The following ZDHHC15 variants were observed in gnomAD, a reference collection of about 807,000 sequenced individuals.
The protein encoded by ZDHHC15 is palmitoyltransferase ZDHHC15.
In ZDHHC15, 19 loss-of-function variants were observed where a neutral mutation model predicts 31.7. That is an observed-to-expected ratio of 0.60 (90% CI 0.42 to 0.88). The LOEUF (loss-of-function observed/expected upper bound fraction) is 0.88, where lower values mean the gene tolerates loss of function less well. ZDHHC15 is among the 40% of genes least tolerant of loss of function. The pLI is 0.00. For missense variants in ZDHHC15, 209 were observed against 251.2 expected (o/e 0.83, Z 1.14); for synonymous variants, 103 against 90.0 (o/e 1.14, Z -0.82).
intron 3 of ZDHHC15, among the ~76,000 whole-genome samples, chrX:75,451,529 C>T (rs775154234): frequency 2.6e-4 from 29 of 111,679 alleles, no homozygotes; most frequent in Admixed American, 2.0e-3. Flanking sequence ...AAAAGATATG[C>T]CATTGATCTT....
At chrX:75,448,876 T>G (rs905905163) in intron 4 of ZDHHC15, among the ~76,000 whole-genome samples, 28 of 110,758 alleles carry the variant, frequency 2.5e-4, no homozygotes, top group African/African-American at 8.6e-4. Context: ...TGGGTGAGAT[T>G]AGCATTCGAA....
chrX:75,503,465 C>T (rs1257958256), intron 2 of ZDHHC15, among the ~76,000 whole-genome samples: 1 of 110,913 alleles, frequency 9.0e-6, no homozygotes, highest in African/African-American at 3.3e-5. Flanking sequence ...ATACTATTAA[C>T]TATTATTTTG....
intron 3 of ZDHHC15, among the ~76,000 whole-genome samples, chrX:75,458,514 T>G (rs943382506): frequency 1.8e-5 from 2 of 111,830 alleles, no homozygotes; most frequent in African/African-American, 6.5e-5. Flanking sequence ...TGAGATAATT[T>G]AAATATATCT....
At chrX:75,390,851 T>C (rs907020056) in intron 10 of ZDHHC15, among the ~76,000 whole-genome samples, 5 of 111,706 alleles carry the variant, frequency 4.5e-5, no homozygotes, top group African/African-American at 1.6e-4. Flanking sequence ...CAGGAAAAGA[T>C]GCCTTCACCA....
chrX:75,392,934 G>T (rs2367175), intron 10 of ZDHHC15, among the ~76,000 whole-genome samples: 20,997 of 102,103 alleles, frequency 0.21, 2,150 homozygotes, highest in East Asian at 0.85. Context: ...GCAGGTCATG[G>T]TTTTTTTTTT....
At chrX:75,427,986 G>A (rs990082050) in intron 7 of ZDHHC15, among the ~76,000 whole-genome samples, 2 of 111,316 alleles carry the variant, frequency 1.8e-5, no homozygotes, top group African/African-American at 6.5e-5. Flanking sequence ...GGCTATTTAG[G>A]TTCCTATTGC....
intron 10 of ZDHHC15, among the ~76,000 whole-genome samples, chrX:75,394,220 G>C (rs1427667565): frequency 9.1e-6 from 1 of 110,391 alleles, no homozygotes; most frequent in East Asian, 2.8e-4. Flanking sequence ...TAACAAGCAA[G>C]AAATTAAAAC....
At chrX:75,409,900 A>G (rs1395652068) in intron 10 of ZDHHC15, among the ~76,000 whole-genome samples, 3 of 110,246 alleles carry the variant, frequency 2.7e-5, no homozygotes, top group African/African-American at 6.6e-5. Context: ...ACATAGACCA[A>G]TGAAGACAAT....
chrX:75,454,961 C>G, intron 3 of ZDHHC15, among the ~76,000 whole-genome samples: 1 of 110,962 alleles, frequency 9.0e-6, no homozygotes, highest in Admixed American at 9.7e-5. Flanking sequence ...TTTATAGATT[C>G]AATGTCATCC....
chrX:75,458,124 ATAAC>A (rs2084253827), intron 3 of ZDHHC15, among the ~76,000 whole-genome samples: 1 of 112,523 alleles, frequency 8.9e-6, no homozygotes, highest in African/African-American at 3.2e-5. Flanking sequence ...ATAAAAGGGA[ATAAC>A]TAACAGCAAT....
At chrX:75,403,978 A>G (rs1361003403) in intron 10 of ZDHHC15, among the ~76,000 whole-genome samples, 2 of 112,156 alleles carry the variant, frequency 1.8e-5, no homozygotes, top group Non-Finnish European at 3.8e-5. Flanking sequence ...TTGAAACTAT[A>G]CTACAAGGAT....
At chrX:75,404,292 A>C (rs1044669292) in intron 10 of ZDHHC15, among the ~76,000 whole-genome samples, 1 of 112,331 alleles carries the variant, frequency 8.9e-6, no homozygotes, top group Non-Finnish European at 1.9e-5. Flanking sequence ...CAATCTAAGC[A>C]GTATTATCCT....
At chrX:75,495,176 A>G (rs191205214) in intron 2 of ZDHHC15, among the ~76,000 whole-genome samples, 40 of 112,585 alleles carry the variant, frequency 3.6e-4, no homozygotes, top group Admixed American at 7.5e-4. Flanking sequence ...AGACACATGA[A>G]AAAATGCTTA....
intron 3 of ZDHHC15, among the ~76,000 whole-genome samples, chrX:75,464,380 C>A (rs2084369906): frequency 9.0e-6 from 1 of 110,879 alleles, no homozygotes; most frequent in African/African-American, 3.3e-5. Flanking sequence ...CACATGTATA[C>A]ATATGTAACA....
In ZDHHC15 at chrX:75,489,443, T is replaced by A. The variant is rs1038089559; in HGVS notation, c.164-10458A>T. On this transcript the variant is annotated intron_variant, in intron 2 of 11. Coordinates refer to ENST00000373367, the MANE Select transcript of ZDHHC15 (RefSeq NM_144969.3). ...ACATTTGCTGCTCACCAATATCCGC[T>A]GTTCTGCAGCCTCCACTGCTGATAC... Among the ~76,000 whole-genome samples, 3 of 111,863 alleles carry A rather than the reference T, an allele frequency of 2.7e-5. No individual in the cohort carries two copies. The Admixed American group carries it at 2.8e-4, about 11-fold the overall frequency.
intron 10 of ZDHHC15, among the ~76,000 whole-genome samples, chrX:75,381,739 C>T (rs1194908230): frequency 9.0e-6 from 1 of 111,620 alleles, no homozygotes; most frequent in African/African-American, 3.3e-5. Context: ...GTTCTTACCA[C>T]ATTCATGTTG....
At chrX:75,481,655 C>A (rs1460446209) in intron 2 of ZDHHC15, among the ~76,000 whole-genome samples, 1 of 112,085 alleles carries the variant, frequency 8.9e-6, no homozygotes, top group Non-Finnish European at 1.9e-5. Flanking sequence ...TTTGGTTCAA[C>A]ACTCTCATTT....
rs765920257 is a variant in ZDHHC15, at chrX:75,449,799, A to G, written c.379+1003T>C. Among the ~76,000 whole-genome samples, 3 of 112,269 alleles carry G rather than the reference A, an allele frequency of 2.7e-5. No individual in the cohort carries two copies. In the East Asian group the frequency reaches 8.4e-4, roughly 31 times the overall value. ...TCCTTATTAGAAACATTAGGATGAC[A>G]TATCAGAAGAACCATGGTTTTCAAA... On this transcript the variant is annotated intron_variant, in intron 4 of 11. Transcript: ENST00000373367.
intron 3 of ZDHHC15, among the ~76,000 whole-genome samples, chrX:75,471,382 G>A (rs1244117163): frequency 8.9e-6 from 1 of 112,312 alleles, no homozygotes; most frequent in Non-Finnish European, 1.9e-5. Flanking sequence ...CAGTGTGTAA[G>A]AAGTAGCAAA....
Sources: allele counts gnomAD v4.1 joint callset (sites outside exome capture counted in the v4.1 genomes callset), GRCh38; gene constraint gnomAD v4.1.1; transcripts MANE v1.5; gene names NCBI Gene and HGNC (gene_info 2026-07-23, HGNC 2026-07-21).